Variants in TMEM182 observed in about 807,000 individuals in gnomAD.
TMEM182 encodes transmembrane protein 182.
In TMEM182, 20 loss-of-function variants were observed where a neutral mutation model predicts 26.8. That is an observed-to-expected ratio of 0.75 (90% confidence interval 0.53 to 1.09). The LOEUF (loss-of-function observed/expected upper bound fraction) is 1.09. Ranked by LOEUF, TMEM182 falls within the 50% of genes least tolerant of loss-of-function variation. TMEM182 has a pLI of 0.00. For synonymous variants in TMEM182, 109 were observed against 102.2 expected, an observed-to-expected ratio of 1.07 and a Z score of -0.40; for missense variants, 277 against 275.5, an observed-to-expected ratio of 1.01 and a Z score of -0.04.
intron 1 of TMEM182, among the ~76,000 whole-genome samples, chr2:102,747,678 G>GA (rs150203451): frequency 0.016 from 2,506 of 152,216 alleles, 74 homozygotes; most frequent in African/African-American, 0.058. Flanking sequence ...ATCTTTAAAG[G>GA]AAAAAAATGA....
At chr2:102,800,686 A>G (rs1037832980) in intron 4 of TMEM182, among the ~76,000 whole-genome samples, 7 of 151,556 alleles carry the variant, frequency 4.6e-5, no homozygotes, top group African/African-American at 1.7e-4. Context: ...CAGTTTTTCA[A>G]TAGAGGGAAC....
intron 3 of TMEM182, among the ~76,000 whole-genome samples, chr2:102,841,823 T>A (rs1450032261): frequency 6.6e-6 from 1 of 152,206 alleles, no homozygotes; most frequent in Non-Finnish European, 1.5e-5. Flanking sequence ...ATGGAAAGAA[T>A]GCAGAATCTG....
chr2:102,738,409 A>G (rs1679431858), intron 1 of TMEM182, among the ~76,000 whole-genome samples: 2 of 152,160 alleles, frequency 1.3e-5, no homozygotes, highest in African/African-American at 4.8e-5. Flanking sequence ...CCTGGCCAAC[A>G]TGGTGAAACC....
chr2:102,834,629 G>A (rs761419888), intron 3 of TMEM182, among the ~76,000 whole-genome samples: 1 of 152,228 alleles, frequency 6.6e-6, no homozygotes, highest in Non-Finnish European at 1.5e-5. Context: ...TCATATGGCT[G>A]TGACAGTGCA....
At chr2:102,741,404 C>T (rs1169234069) in intron 1 of TMEM182, among the ~76,000 whole-genome samples, 4 of 152,112 alleles carry the variant, frequency 2.6e-5, no homozygotes, top group Non-Finnish European at 5.9e-5. Flanking sequence ...GTCAGGTTCC[C>T]AGCAGAAGGA....
At chr2:102,786,218 T>G (rs1366978655) in intron 3 of TMEM182, among the ~76,000 whole-genome samples, 2 of 145,640 alleles carry the variant, frequency 1.4e-5, no homozygotes, top group Non-Finnish European at 3.0e-5. Flanking sequence ...CTGTTTTTTT[T>G]TTTTTTTTTT....
At chr2:102,797,723 C>A in intron 3 of TMEM182, 140 bp from the exon 4 acceptor site, 2 of 1,012,144 alleles carry the variant, frequency 2.0e-6, no homozygotes, top group East Asian at 2.6e-5. Context: ...TTGTTCAGAC[C>A]CATCCCTGGC....
rs1162497892 is a variant in TMEM182 at position 102,815,618 on chromosome 2, T to A, written c.*650T>A. ...ATTCACTTAATTGTGCATGCTTACA[T>A]AAACTTTAAACTACATTTAAAACTA... is the stretch of plus-strand genomic sequence containing the variant. On this transcript the variant is annotated 3_prime_UTR_variant, in exon 5 of 5. Transcript: ENST00000412401. 6.1e-6 allele frequency: 6 copies of A among 985,352 alleles called. No individual in the cohort carries two copies. The African/African-American group carries it at 8.7e-5, about 14-fold the overall frequency. The allele number at this position is 985,352 out of a possible 1,614,324, so 61.0% of individuals were successfully genotyped here.
At chr2:102,738,096 C>T (rs915879270) in intron 1 of TMEM182, among the ~76,000 whole-genome samples, 5 of 152,148 alleles carry the variant, frequency 3.3e-5, no homozygotes, top group Admixed American at 3.3e-4. Context: ...AGTTTGCTCT[C>T]CTATAGCTGA....
chr2:102,737,076 C>T, intron 1 of TMEM182: 2 of 464,516 alleles, frequency 4.3e-6, no homozygotes, highest in Admixed American at 4.1e-5. Flanking sequence ...GGTACAGACC[C>T]TGCTGCCCCT....
chr2:102,812,604 A>G (rs1682595381), intron 4 of TMEM182, among the ~76,000 whole-genome samples: 1 of 152,210 alleles, frequency 6.6e-6, no homozygotes, highest in Non-Finnish European at 1.5e-5. Context: ...ATTCTTTCCT[A>G]TTAAAAATCA....
At chr2:102,825,420 A>T (rs1023869966) in intron 3 of TMEM182, among the ~76,000 whole-genome samples, 1 of 152,200 alleles carries the variant, frequency 6.6e-6, no homozygotes, top group Non-Finnish European at 1.5e-5. Context: ...ACCTAATTGT[A>T]TTGTTTTAAC....
chr2:102,779,025 C>A (rs1681048403), intron 3 of TMEM182, among the ~76,000 whole-genome samples: 1 of 152,044 alleles, frequency 6.6e-6, no homozygotes. Context: ...GGTGACAAAT[C>A]TTAGTTTTCA....
intron 1 of TMEM182, among the ~76,000 whole-genome samples, chr2:102,746,279 T>C (rs966248454): frequency 5.9e-5 from 9 of 152,184 alleles, no homozygotes; most frequent in African/African-American, 1.9e-4. Flanking sequence ...GTTTTTTAAT[T>C]GCGATTTTTT....
downstream of TMEM182, among the ~76,000 whole-genome samples, chr2:102,819,381 C>T (rs1022222751): frequency 2.0e-5 from 3 of 152,064 alleles, no homozygotes; most frequent in African/African-American, 4.8e-5. Flanking sequence ...TTTCATCCCC[C>T]GAAAATTCAA....
intron 3 of TMEM182, among the ~76,000 whole-genome samples, chr2:102,768,137 G>A (rs1033260955): frequency 2.0e-5 from 3 of 152,096 alleles, no homozygotes; most frequent in Non-Finnish European, 4.4e-5. Flanking sequence ...ATAATTCATA[G>A]CACAGTTTTA....
At chr2:102,820,575 CAATACACAA>C (rs1682898945), downstream of TMEM182, among the ~76,000 whole-genome samples, 1 of 152,032 alleles carries the variant, frequency 6.6e-6, no homozygotes, top group Non-Finnish European at 1.5e-5. Flanking sequence ...CTGACTATTC[CAATACACAA>C]AATACATAAA....
intron 3 of TMEM182, among the ~76,000 whole-genome samples, chr2:102,788,918 A>T (rs978421919): frequency 2.0e-5 from 3 of 152,178 alleles, no homozygotes; most frequent in African/African-American, 7.2e-5. Flanking sequence ...TGGGGTTCAG[A>T]TGCAGAGATA....
intron 3 of TMEM182, among the ~76,000 whole-genome samples, chr2:102,840,048 G>T (rs147954827): frequency 6.6e-6 from 1 of 152,152 alleles, no homozygotes; most frequent in Non-Finnish European, 1.5e-5. Context: ...AGTGCCTCAC[G>T]GGGAGAAGAA....
Sources: gnomAD v4.1 joint callset for allele counts (sites outside exome capture counted in the v4.1 genomes callset) on GRCh38, gnomAD v4.1.1 for gene constraint, MANE v1.5 for transcripts, NCBI Gene and HGNC (gene_info 2026-07-23, HGNC 2026-07-21) for gene names.